UTP20: variants seen among roughly 807,000 people sequenced by gnomAD.
UTP20 encodes UTP20 small subunit processome component, also known as small subunit processome component 20 homolog.
Under a neutral mutation model 329.5 loss-of-function variants are expected in UTP20, and 164 were observed. The observed-to-expected ratio is 0.50, with a 90% confidence interval of 0.44 to 0.57. The LOEUF (loss-of-function observed/expected upper bound fraction) is 0.57, where lower values mean the gene tolerates loss of function less well. Among genes scored for constraint, UTP20 ranks in the 20% least tolerant of loss-of-function variants. The pLI is 0.00. For missense variants in UTP20, 3,055 were observed against 3,284.2 expected (o/e 0.93, Z 1.71); for synonymous variants, 1,151 against 1,159.3 (o/e 0.99, Z 0.14).
intron 12 of UTP20, among the ~76,000 whole-genome samples, chr12:101,296,570 CAAA>C (rs35977909): frequency 8.7e-6 from 1 of 114,624 alleles, no homozygotes; most frequent in Non-Finnish European, 1.7e-5. Flanking sequence ...GACTTCATCT[CAAA>C]AAAAAAAAAA....
In UTP20 at chr12:101,311,766, A is replaced by G. The variant is rs142042282; in HGVS notation, c.2279A>G (p.Tyr760Cys). The G allele has an allele frequency of 2.9e-5, 46 of 1,613,292 alleles. No homozygotes were observed. The Admixed American group carries it at 4.7e-4, about 16-fold the overall frequency. ...AATAAGCAATTTTGGAAAGTCTACT[A>G]TGAGCATCTAGAAAAAGCAGCTACG... ...MENKQFWKVY[Y>C]EHLEKAATHA... The change falls in exon 20 of 62, where the codon TAT (tyrosine) becomes TGT (cysteine). Residue 760 changes from tyrosine to cysteine, a missense_variant. Physicochemically the swap from Tyr to Cys is radical, Grantham distance 194 (BLOSUM62 -2). Transcript: ENST00000261637.
chr12:101,361,672 T>TAAATAA (rs200818993), intron 43 of UTP20, among the ~76,000 whole-genome samples: 3,714 of 94,146 alleles, frequency 0.039, 67 homozygotes, highest in South Asian at 0.068. Flanking sequence ...AATAAATAAA[T>TAAATAA]AAATAAAGTT....
At chr12:101,289,935 C>T (rs1872084780) in intron 6 of UTP20, 1 of 331,338 alleles carries the variant, frequency 3.0e-6, no homozygotes, top group Non-Finnish European at 5.4e-6. Flanking sequence ...CCTGTAATAC[C>T]AATGAATTCA....
chr12:101,364,391 T>G (rs1870027853), intron 45 of UTP20, among the ~76,000 whole-genome samples: 2 of 152,236 alleles, frequency 1.3e-5, no homozygotes, highest in Admixed American at 1.3e-4. Flanking sequence ...TAAGCACTGC[T>G]ACATTATCTC....
At chr12:101,350,916 A>G (rs982135837) in intron 38 of UTP20, among the ~76,000 whole-genome samples, 18 of 151,870 alleles carry the variant, frequency 1.2e-4, no homozygotes, top group Non-Finnish European at 2.5e-4. Context: ...TGCCCCGTGG[A>G]CTCTAGCTAC....
intron 5 of UTP20, among the ~76,000 whole-genome samples, chr12:101,288,717 A>G (rs985593240): frequency 1.3e-5 from 2 of 152,038 alleles, no homozygotes; most frequent in South Asian, 2.1e-4. Flanking sequence ...ACAAATTTCA[A>G]CTTTTCCTGG....
At chr12:101,288,919 T>G (rs1306349321) in intron 5 of UTP20, 41 bp from the exon 6 acceptor site, 1 of 1,532,148 alleles carries the variant, frequency 6.5e-7, no homozygotes, top group Non-Finnish European at 9.0e-7. Flanking sequence ...TTATTACAAT[T>G]ATATGATTAA....
intron 38 of UTP20, among the ~76,000 whole-genome samples, chr12:101,347,210 A>G (rs1384307655): frequency 1.3e-5 from 2 of 152,174 alleles, no homozygotes; most frequent in African/African-American, 2.4e-5. Flanking sequence ...TAAAGACTAG[A>G]TAAGTAATTA....
chr12:101,362,373 G>A (rs1356358978), intron 44 of UTP20, among the ~76,000 whole-genome samples: 1 of 152,136 alleles, frequency 6.6e-6, no homozygotes, highest in African/African-American at 2.4e-5. Context: ...ATGTTCACAG[G>A]AGCTTTATTT....
intron 12 of UTP20, among the ~76,000 whole-genome samples, chr12:101,296,854 T>G (rs981605037): frequency 1.3e-5 from 2 of 152,250 alleles, no homozygotes; most frequent in African/African-American, 4.8e-5. Flanking sequence ...AATGACACAT[T>G]GTTTAGAAGT....
At chr12:101,318,358 C>T (rs1035380418) in intron 22 of UTP20, among the ~76,000 whole-genome samples, 4 of 152,136 alleles carry the variant, frequency 2.6e-5, no homozygotes, top group Admixed American at 1.3e-4. Flanking sequence ...CCATTTGTTG[C>T]GTATTTCCCC....
Position 101,369,869 on chromosome 12 carries a change from A to G in UTP20, c.6533A>G (p.His2178Arg). 6.2e-7 allele frequency: 1 copy of G among 1,613,856 alleles called. No homozygotes were observed. Among genetic ancestry groups the G allele is most frequent in the African/African-American group, 1.3e-5 (1 of 74,998 alleles). The change falls in exon 49 of 62, where the codon CAC (histidine) becomes CGC (arginine). Residue 2178 changes from histidine (H) to arginine (R), a missense_variant. His to Arg is a conservative substitution (Grantham distance 29, BLOSUM62 0). Transcript: ENST00000261637. ...GGGGCCGCCAGGGGCCAGAACTTCCACCTTGTGGTCAATTGTTTCAAGGTG... is the reference window on the plus strand; with the variant it reads ...GGGGCCGCCAGGGGCCAGAACTTCCGCCTTGTGGTCAATTGTTTCAAGGTG... ...KLGAARGQNFHLVVNCFKCVT... is the reference protein window; with the variant it reads ...KLGAARGQNFRLVVNCFKCVT...
Position 101,373,382 on chromosome 12 carries a change from C to T in UTP20, c.6879-19C>T. 2 of 1,607,646 alleles carry T rather than the reference C, an allele frequency of 1.2e-6. No individual in the cohort carries two copies. The highest frequency in any genetic ancestry group is 1.7e-6 in the Non-Finnish European group (2 of 1,174,210). ...AATTTAGAAGATACTAACAAATCCACCTAATGTCCTTCCCCTAGTTACGAA... is the reference window on the plus strand; with the variant it reads ...AATTTAGAAGATACTAACAAATCCATCTAATGTCCTTCCCCTAGTTACGAA... On this transcript the variant is annotated intron_variant, in intron 52 of 61. Coordinates refer to ENST00000261637, the MANE Select transcript of UTP20 (RefSeq NM_014503.3).
At chr12:101,305,688 C>T (rs1242218968) in intron 15 of UTP20, among the ~76,000 whole-genome samples, 1 of 151,100 alleles carries the variant, frequency 6.6e-6, no homozygotes, top group East Asian at 1.9e-4. Flanking sequence ...CTAGCATATT[C>T]TGCTCCCACC....
chr12:101,354,534 T>G (rs943280700), intron 40 of UTP20, among the ~76,000 whole-genome samples: 1 of 152,198 alleles, frequency 6.6e-6, no homozygotes, highest in African/African-American at 2.4e-5. Flanking sequence ...TTTATTTGGT[T>G]AAGATGTTCC....
intron 14 of UTP20, among the ~76,000 whole-genome samples, chr12:101,300,304 A>G (rs1329671504): frequency 6.6e-6 from 1 of 152,208 alleles, no homozygotes; most frequent in Non-Finnish European, 1.5e-5. Flanking sequence ...CATGGCTTAG[A>G]AGGCCATTTG....
intron 43 of UTP20, among the ~76,000 whole-genome samples, chr12:101,361,265 A>G (rs1869906849): frequency 6.6e-6 from 1 of 152,110 alleles, no homozygotes. Context: ...TTTTATTTAC[A>G]AGCTTTGATT....
chr12:101,311,651 T>TG, intron 19 of UTP20, 68 bp from the exon 20 acceptor site: 1 of 1,341,000 alleles, frequency 7.5e-7, no homozygotes, highest in Non-Finnish European at 1.0e-6. Flanking sequence ...CTCTTTTTTT[T>TG]TTTTCTATGA....
At chr12:101,351,916 G>A in intron 38 of UTP20, 139 bp from the exon 39 acceptor site, 1 of 995,962 alleles carries the variant, frequency 1.0e-6, no homozygotes, top group Non-Finnish European at 1.5e-6. Flanking sequence ...GGGTTAGAGG[G>A]AAAAAATTAG....
Sources: allele counts gnomAD v4.1 joint callset (sites outside exome capture counted in the v4.1 genomes callset), GRCh38; gene constraint gnomAD v4.1.1; transcripts MANE v1.5; gene names NCBI Gene and HGNC (gene_info 2026-07-23, HGNC 2026-07-21).